Variants in DZIP1 observed in about 807,000 individuals in gnomAD.
DZIP1 encodes DAZ interacting zinc finger protein 1.
DZIP1 carries 97 observed loss-of-function variants against 107.6 expected under a neutral mutation model. The ratio of observed to expected loss-of-function variants is 0.90; its 90% CI spans 0.77 to 1.07. DZIP1 has a LOEUF of 1.07. DZIP1 is among the 50% of genes least tolerant of loss of function. The pLI is 0.00. For synonymous variants in DZIP1, 390 were observed against 386.4 expected (o/e 1.01, Z -0.11); for missense variants, 1,035 against 1,063.6 (o/e 0.97, Z 0.37).
At chr13:95,628,981 TA>T (rs948993313) in intron 7 of DZIP1, among the ~76,000 whole-genome samples, 5 of 152,182 alleles carry the variant, frequency 3.3e-5, no homozygotes, top group African/African-American at 1.2e-4. Flanking sequence ...ACTGTACACT[TA>T]AAAATAGTTA....
At position 95,641,521 on chromosome 13, in the gene DZIP1, G is replaced by T; in HGVS notation, c.371C>A (p.Ala124Glu). The change falls in exon 5 of 23, where the codon GCG (alanine) becomes GAG (glutamate). Residue 124 changes from alanine to glutamate, a missense_variant. Transcript: ENST00000376829. The surrounding 1 kb of genome is among the most constrained non-coding windows in gnomAD (Gnocchi z 4.3). The part of the protein sequence containing the change: ...DPVLLKLIRL[A>E]QFTIEYLLHS... ...CAGCAAGTACTCGATGGTGAACTGC[G>T]CCAGACGGATGAGCTTCAGCAGCAC... 6.2e-7 allele frequency: 1 copy of T among 1,614,070 alleles called. No individual in the cohort carries two copies. The highest frequency in any genetic ancestry group is 8.5e-7 in the Non-Finnish European group (1 of 1,180,044).
intron 12 of DZIP1, among the ~76,000 whole-genome samples, 173 bp from the exon 13 acceptor site, chr13:95,609,686 T>C (rs1355782186): frequency 6.6e-6 from 1 of 152,206 alleles, no homozygotes; most frequent in Non-Finnish European, 1.5e-5. Context: ...AAGCTAAATT[T>C]TCCCCAGAAT....
At position 95,624,966 on chromosome 13, in the gene DZIP1, G is replaced by A. The variant is rs201724363; in HGVS notation, c.811-37C>T. 1.8e-4 allele frequency: 281 copies of A among 1,528,906 alleles called. 1 individual carries two copies. Among genetic ancestry groups the A allele is most frequent in the Non-Finnish European group, 2.4e-4 (272 of 1,135,742 alleles). 94.7% of individuals were successfully genotyped at this position (1,528,906 alleles called of 1,614,324 possible). On this transcript the variant is annotated intron_variant, in intron 7 of 22. Coordinates refer to ENST00000376829, the MANE Select transcript of DZIP1 (RefSeq NM_198968.4). ...TTAATACACATCTTTAAAAGTTCTGGTCTGAAGAAAATAAGCAATATTTAA... is the reference window on the plus strand; with the variant it reads ...TTAATACACATCTTTAAAAGTTCTGATCTGAAGAAAATAAGCAATATTTAA...
At chr13:95,629,163 C>T (rs552694789) in intron 7 of DZIP1, among the ~76,000 whole-genome samples, 28 of 152,366 alleles carry the variant, frequency 1.8e-4, no homozygotes, top group African/African-American at 5.0e-4. Context: ...GCCAAGCACA[C>T]TGTCACTCCA....
Position 95,610,268 on chromosome 13 carries a change from C to T in DZIP1, c.1364-755G>A, listed in dbSNP as rs143463023. Among the ~76,000 whole-genome samples, 608 of 151,862 alleles carry T rather than the reference C, an allele frequency of 4.0e-3. 7 individuals are homozygous for T. The highest frequency in any genetic ancestry group is 0.014 in the African/African-American group (559 of 41,368). On this transcript the variant is annotated intron_variant, in intron 12 of 22. Coordinates refer to ENST00000376829, the MANE Select transcript of DZIP1 (RefSeq NM_198968.4). ...CCCAAACAGCCACAGTTGAGAATAA[C>T]GCAGCAAGCCTTTATAGCACTTTAG...
chr13:95,594,058 G>T lies in DZIP1; in HGVS notation c.1566C>A (p.Asn522Lys). 6.2e-7 allele frequency: 1 copy of T among 1,605,396 alleles called. No homozygotes were observed. Among genetic ancestry groups the T allele is most frequent in the Non-Finnish European group, 8.5e-7 (1 of 1,176,130 alleles). ...AAGCTTTCCTTAAATGCATTTTGTT[G>T]TTATTTAATTTCTGTTCATTTTCCC... is the stretch of plus-strand genomic sequence containing the variant. ...KGRENEQKLN[N>K]NKMHLRKALK... Residue 522 changes from asparagine (N) to lysine (K), a missense_variant, in exon 16 of 23, where the codon AAC becomes AAA. By Grantham distance (94) the Asn-to-Lys change is moderately conservative. Transcript: ENST00000376829.
At position 95,612,126 on chromosome 13, in the gene DZIP1, C is replaced by T; in HGVS notation, c.1225G>A (p.Ala409Thr). The T allele has an allele frequency of 6.2e-7, 1 of 1,613,436 alleles. No homozygotes were observed. Among genetic ancestry groups the T allele is most frequent in the Non-Finnish European group, 8.5e-7 (1 of 1,180,010 alleles). Residue 409 changes from alanine (A) to threonine (T), a missense_variant, in exon 11 of 23, where the codon GCA (alanine) becomes ACA (threonine). Transcript: ENST00000376829. Reference protein sequence around the residue: ...LRTSMIDDLNASNVFYKKRIE... With the variant: ...LRTSMIDDLNTSNVFYKKRIE... ...CTTTTCTTATAGAAAACATTGCTTGCATTTAGATCATCTATCATTGAGGTT... is the reference window on the plus strand; with the variant it reads ...CTTTTCTTATAGAAAACATTGCTTGTATTTAGATCATCTATCATTGAGGTT...
At chr13:95,618,146 C>G (rs968991808) in intron 10 of DZIP1, among the ~76,000 whole-genome samples, 1 of 152,188 alleles carries the variant, frequency 6.6e-6, no homozygotes, top group Non-Finnish European at 1.5e-5. Context: ...AAGAAACTCT[C>G]TCTGTTCAGT....
At chr13:95,586,248 T>A in intron 20 of DZIP1, 112 bp from the exon 21 acceptor site, 1 of 816,498 alleles carries the variant, frequency 1.2e-6, no homozygotes, top group Non-Finnish European at 1.8e-6. Flanking sequence ...TGGAAGTAAT[T>A]ATGTATTATT....
rs762172141 is a variant in DZIP1, at chr13:95,641,808, C to A, written c.84G>T (p.Gly28=). The change falls in exon 5 of 23, where the codon GGG becomes GGT. Residue 28 remains glycine, a synonymous_variant. Transcript: ENST00000376829. The surrounding 1 kb of genome is among the most constrained non-coding windows in gnomAD (Gnocchi z 4.3). ...CGGCGGCGGCCACAGCGACGTCGGG[C>A]CCCTCTGGGCCGCTGGCGAGCGGGT... ...VYYPLASGPE[G]PDVAVAAAAA... The A allele has an allele frequency of 6.1e-6, 9 of 1,478,862 alleles. No individual in the cohort carries two copies. The highest frequency in any genetic ancestry group is 4.4e-6 in the Non-Finnish European group (5 of 1,124,758). The allele number at this position is 1,478,862 out of a possible 1,614,324, so 91.6% of individuals were successfully genotyped here.
chr13:95,606,251 TC>T (rs2044772370), intron 13 of DZIP1, among the ~76,000 whole-genome samples, 192 bp from the exon 14 acceptor site: 2 of 152,294 alleles, frequency 1.3e-5, no homozygotes, highest in Middle Eastern at 3.4e-3. Context: ...GGAGATATGT[TC>T]CCCTTTTAAA....
At chr13:95,601,960 A>T (rs1263559629) in intron 14 of DZIP1, among the ~76,000 whole-genome samples, 1 of 152,104 alleles carries the variant, frequency 6.6e-6, no homozygotes, top group Non-Finnish European at 1.5e-5. Flanking sequence ...TCTCAAGTGT[A>T]GGATCACCCA....
chr13:95,638,659 A>ACACACG (rs1203923205), intron 5 of DZIP1, among the ~76,000 whole-genome samples: 1 of 151,638 alleles, frequency 6.6e-6, no homozygotes, highest in African/African-American at 2.4e-5. Flanking sequence ...ACACACACAC[A>ACACACG]CACGCACACC....
intron 10 of DZIP1, among the ~76,000 whole-genome samples, chr13:95,614,644 T>C (rs191514885): frequency 1.2e-3 from 187 of 152,324 alleles, no homozygotes; most frequent in Non-Finnish European, 2.3e-3. Context: ...TTGCAGCTCA[T>C]GAGCCCATTT....
Position 95,641,843 on chromosome 13 carries a change from G to A in DZIP1, c.49C>T (p.His17Tyr). Residue 17 changes from histidine to tyrosine, a missense_variant, in exon 5 of 23, where the codon CAT becomes TAT. Transcript: ENST00000376829. The surrounding 1 kb of genome is among the most constrained non-coding windows in gnomAD (Gnocchi z 4.3). ...CCGCTGGCGAGCGGGTAGTAGACAT[G>A]CTTCTGGAAGGGCTGCGGGGGGCAC... ...DWFSSMPFQK[H>Y]VYYPLASGPE... The A allele has an allele frequency of 2.8e-6, 4 of 1,449,370 alleles. No homozygotes were observed. The highest frequency in any genetic ancestry group is 1.5e-5 in the South Asian group (1 of 68,088). The allele number at this position is 1,449,370 out of a possible 1,614,324, so 89.8% of individuals were successfully genotyped here. A position where few individuals can be genotyped will look rare whatever the true frequency, so the allele number is the denominator to read the frequency against.
Position 95,641,930 on chromosome 13 carries a change from G to A in DZIP1, c.36+64C>T, listed in dbSNP as rs1035339296. The A allele has an allele frequency of 9.4e-6, 14 of 1,495,924 alleles. No individual in the cohort carries two copies. The highest frequency in any genetic ancestry group is 1.5e-5 in the African/African-American group (1 of 68,206). 92.7% of individuals were successfully genotyped at this position (1,495,924 alleles called of 1,614,324 possible). ...GCAGGCTGGGGAGCTGGGGGTCCGG[G>A]GAAGCCCCGGTTCTCCCCAGCCCGG... On this transcript the variant is annotated intron_variant, in intron 4 of 22. Coordinates refer to ENST00000376829, the MANE Select transcript of DZIP1 (RefSeq NM_198968.4). The surrounding 1 kb of genome is among the most constrained non-coding windows in gnomAD (Gnocchi z 4.3).
intron 10 of DZIP1, among the ~76,000 whole-genome samples, chr13:95,615,521 T>C (rs74109017): frequency 0.018 from 2,767 of 152,322 alleles, 78 homozygotes; most frequent in African/African-American, 0.062. Context: ...TCCAGACTTA[T>C]CTACTAAATC....
intron 14 of DZIP1, among the ~76,000 whole-genome samples, chr13:95,601,894 G>A (rs2044626249): frequency 6.6e-6 from 1 of 152,022 alleles, no homozygotes; most frequent in African/African-American, 2.4e-5. Flanking sequence ...CCAAACCGCT[G>A]GTCTGTCCAC....
rs1210378208 is a variant in DZIP1 at position 95,630,018 on chromosome 13, G to T, written c.781C>A (p.His261Asn). 6.2e-7 allele frequency: 1 copy of T among 1,613,496 alleles called. No individual in the cohort carries two copies. Among genetic ancestry groups the T allele is most frequent in the Admixed American group, 1.7e-5 (1 of 59,826 alleles). Residue 261 changes from histidine to asparagine, a missense_variant, in exon 7 of 23, where the codon CAC (histidine) becomes AAC (asparagine). By Grantham distance (68) the His-to-Asn change is moderately conservative. Coordinates refer to ENST00000376829, the MANE Select transcript of DZIP1 (RefSeq NM_198968.4). ...GAGAATCTGACTGCACTGGCATGGT[G>T]TGCAGCCTCTAGCTCAGACCTGGTG... ...QLTRSELEAA[H>N]HASAVRFSKE...
Sources: gnomAD v4.1 joint callset for allele counts (sites outside exome capture counted in the v4.1 genomes callset) on GRCh38, gnomAD v4.1.1 for gene constraint, Gnocchi (gnomAD v3.1) non-coding constraint, MANE v1.5 for transcripts, NCBI Gene and HGNC (gene_info 2026-07-23, HGNC 2026-07-21) for gene names.